SLX9: variants seen among roughly 807,000 people sequenced by gnomAD.
The protein encoded by SLX9 is ribosome biogenesis protein SLX9 homolog.
In SLX9, 19 loss-of-function variants were observed where a neutral mutation model predicts 20.8. The observed-to-expected ratio is 0.91, with a 90% CI of 0.64 to 1.34. SLX9 has a LOEUF of 1.34. Among genes scored for constraint, SLX9 ranks in the 40% most tolerant of loss-of-function variants. SLX9 has a pLI of 0.00. For synonymous variants in SLX9, 113 were observed against 137.1 expected, an observed-to-expected ratio of 0.82 and a Z score of 1.23; for missense variants, 299 against 322.2, an observed-to-expected ratio of 0.93 and a Z score of 0.55.
At chr21:44,969,430 A>G (rs533999622) in intron 4 of SLX9, among the ~76,000 whole-genome samples, 2 of 152,342 alleles carry the variant, frequency 1.3e-5, no homozygotes, top group East Asian at 1.9e-4. Flanking sequence ...CCCCAGGCCG[A>G]GGAGGATGTG....
At chr21:44,949,819 A>G (rs896699823) in intron 2 of SLX9, among the ~76,000 whole-genome samples, 1 of 152,172 alleles carries the variant, frequency 6.6e-6, no homozygotes, top group Non-Finnish European at 1.5e-5. Flanking sequence ...AGCGCTGCCC[A>G]GGTGATTGTA....
rs376432825 is a variant in SLX9 at position 44,943,854 on chromosome 21, G to A, written c.283+17G>A. ...TCAGGAGAGGTGAGGCAGGCTCGACGGGTTACCATGCTGATACCCAGCAGG... is the reference window on the plus strand; with the variant it reads ...TCAGGAGAGGTGAGGCAGGCTCGACAGGTTACCATGCTGATACCCAGCAGG... On this transcript the variant is annotated intron_variant, in intron 2 of 5. Transcript: ENST00000291634. 369 of 1,613,854 alleles carry A rather than the reference G, an allele frequency of 2.3e-4. 1 individual carries two copies. The highest frequency in any genetic ancestry group is 8.2e-4 in the Middle Eastern group (5 of 6,062).
chr21:44,949,517 C>A (rs544710957), intron 2 of SLX9, among the ~76,000 whole-genome samples: 1 of 152,276 alleles, frequency 6.6e-6, no homozygotes, highest in South Asian at 2.1e-4. Flanking sequence ...ACCCTCTGTG[C>A]AGCAGCAGCA....
intron 5 of SLX9, among the ~76,000 whole-genome samples, chr21:44,976,314 A>C (rs1212614780): frequency 6.6e-6 from 1 of 150,732 alleles, no homozygotes; most frequent in East Asian, 1.9e-4. Context: ...CTCTGTGTGC[A>C]CCTATTTTGG....
At chr21:44,972,971 G>A in intron 4 of SLX9, 1 of 609,120 alleles carries the variant, frequency 1.6e-6, no homozygotes, top group Non-Finnish European at 2.9e-6. Flanking sequence ...TCAGGCAGTT[G>A]CACTGCTTGT....
At chr21:44,960,635 AAC>A (rs2084935758) in intron 3 of SLX9, among the ~76,000 whole-genome samples, 1 of 152,304 alleles carries the variant, frequency 6.6e-6, no homozygotes, top group Admixed American at 6.5e-5. Context: ...CCGCGGTGAA[AAC>A]AGTGTCTGCG....
At chr21:44,975,296 G>A (rs945441158) in intron 5 of SLX9, among the ~76,000 whole-genome samples, 6 of 152,306 alleles carry the variant, frequency 3.9e-5, no homozygotes, top group African/African-American at 1.4e-4. Flanking sequence ...GTGCCCCAAG[G>A]CTGCTCCCCT....
chr21:44,963,620 C>T (rs2146659461), intron 3 of SLX9, among the ~76,000 whole-genome samples: 1 of 151,734 alleles, frequency 6.6e-6, no homozygotes, highest in Middle Eastern at 3.4e-3. Context: ...CCTTTTTTCC[C>T]CCTAATATGG....
intron 4 of SLX9, among the ~76,000 whole-genome samples, chr21:44,972,428 C>T (rs991726251): frequency 7.2e-5 from 11 of 152,164 alleles, no homozygotes; most frequent in African/African-American, 2.7e-4. Flanking sequence ...TGTCCTGGCC[C>T]GCCCGTGCCC....
intron 2 of SLX9, among the ~76,000 whole-genome samples, chr21:44,946,990 G>A (rs866904195): frequency 6.6e-6 from 1 of 152,184 alleles, no homozygotes; most frequent in Admixed American, 6.5e-5. Flanking sequence ...GGCTTGCCCT[G>A]GTCTGGGGGC....
intron 4 of SLX9, 28 bp downstream of exon 4, chr21:44,967,209 C>G (rs368642060): frequency 7.7e-5 from 119 of 1,542,724 alleles, no homozygotes; most frequent in Non-Finnish European, 9.9e-5. Context: ...GTGGCCCTTT[C>G]CGAGCTGTGG....
chr21:44,974,120 A>G (rs1265233587), intron 5 of SLX9, among the ~76,000 whole-genome samples: 1 of 152,226 alleles, frequency 6.6e-6, no homozygotes, highest in Non-Finnish European at 1.5e-5. Context: ...TTGCAGACTC[A>G]GCTCCAGTTT....
chr21:44,944,578 A>G (rs1398865844), intron 2 of SLX9, among the ~76,000 whole-genome samples: 2 of 152,196 alleles, frequency 1.3e-5, no homozygotes, highest in Non-Finnish European at 2.9e-5. Flanking sequence ...TCCTTCACTC[A>G]TCTAAGGGAG....
At chr21:44,957,132 C>T (rs1449629989) in intron 2 of SLX9, among the ~76,000 whole-genome samples, 1 of 152,244 alleles carries the variant, frequency 6.6e-6, no homozygotes, top group Non-Finnish European at 1.5e-5. Context: ...GCTCATGCTG[C>T]AGGTTTTTGC....
intron 2 of SLX9, among the ~76,000 whole-genome samples, chr21:44,944,971 A>G (rs1168231800): frequency 6.6e-6 from 1 of 152,198 alleles, no homozygotes; most frequent in Non-Finnish European, 1.5e-5. Flanking sequence ...AGTGCAGTGA[A>G]GGCTGTGGAG....
upstream of SLX9, chr21:44,939,957 G>A: frequency 1.6e-6 from 2 of 1,267,570 alleles, no homozygotes; most frequent in Non-Finnish European, 1.0e-6. Context: ...CGGCGGCCGC[G>A]GGGCTCCCGG....
intron 2 of SLX9, among the ~76,000 whole-genome samples, chr21:44,946,776 G>T (rs934664923): frequency 2.0e-5 from 3 of 152,204 alleles, no homozygotes; most frequent in African/African-American, 7.2e-5. Flanking sequence ...TCCTTCCACC[G>T]CCCTGCTGTG....
chr21:44,970,333 C>G (rs1403164982), intron 4 of SLX9, among the ~76,000 whole-genome samples: 1 of 151,434 alleles, frequency 6.6e-6, no homozygotes, highest in African/African-American at 2.5e-5. Context: ...GGTGCCGAAA[C>G]TGTTCCAGCA....
rs2084591293 is a variant in SLX9, at chr21:44,943,735, A to G, written c.181A>G (p.Ser61Gly). 6.2e-7 allele frequency: 1 copy of G among 1,614,184 alleles called. No individual in the cohort carries two copies. The highest frequency in any genetic ancestry group is 8.5e-7 in the Non-Finnish European group (1 of 1,180,012). ...CTTTGCCAGGACCAAGATAGACCCC[A>G]GCGCCTTGGTGCAGAAGCTGGAGCT... The part of the protein sequence containing the change: ...NIFARTKIDP[S>G]ALVQKLELDV... Residue 61 changes from serine (S) to glycine (G), a missense_variant, in exon 2 of 6, where the codon AGC becomes GGC. By Grantham distance (56) the Ser-to-Gly change is moderately conservative. Transcript: ENST00000291634.
Sources: gnomAD v4.1 joint callset for allele counts (sites outside exome capture counted in the v4.1 genomes callset) on GRCh38, gnomAD v4.1.1 for gene constraint, MANE v1.5 for transcripts, NCBI Gene and HGNC (gene_info 2026-07-23, HGNC 2026-07-21) for gene names.